The following ATAD1 variants were observed in gnomAD, a reference collection of about 807,000 sequenced individuals.
The protein encoded by ATAD1 is ATPase family AAA domain containing 1, also known as outer mitochondrial transmembrane helix translocase.
Under a neutral mutation model 42.7 loss-of-function variants are expected in ATAD1, and 18 were observed. The ratio of observed to expected loss-of-function variants is 0.42; its 90% confidence interval spans 0.29 to 0.63. The LOEUF (loss-of-function observed/expected upper bound fraction) is 0.63. Ranked by LOEUF, ATAD1 falls within the 20% of genes least tolerant of loss-of-function variation. The pLI, the probability that ATAD1 is intolerant of heterozygous loss-of-function variation, is 0.19. For missense variants in ATAD1, 294 were observed against 440.4 expected (o/e 0.67, Z 2.98); for synonymous variants, 132 against 143.1 (o/e 0.92, Z 0.55).
intron 6 of ATAD1, among the ~76,000 whole-genome samples, chr10:87,772,276 C>A (rs560208035): frequency 6.6e-6 from 1 of 151,842 alleles, no homozygotes; most frequent in East Asian, 1.9e-4. Context: ...CTGTGCCTAG[C>A]TGATTTTTCC....
At chr10:87,791,009 AC>A (rs1856073504) in intron 3 of ATAD1, among the ~76,000 whole-genome samples, 1 of 109,782 alleles carries the variant, frequency 9.1e-6, no homozygotes, top group African/African-American at 3.8e-5. Flanking sequence ...CATGGTTGAA[AC>A]CCCGTCTCTA....
At chr10:87,839,581 G>A (rs1857992172) in intron 1 of ATAD1, among the ~76,000 whole-genome samples, 1 of 152,158 alleles carries the variant, frequency 6.6e-6, no homozygotes, top group South Asian at 2.1e-4. Context: ...GAGTGGAACT[G>A]GACTAGAACT....
chr10:87,792,579 C>G, intron 3 of ATAD1, 78 bp downstream of exon 3: 1 of 1,103,106 alleles, frequency 9.1e-7, no homozygotes, highest in Non-Finnish European at 1.4e-6. Flanking sequence ...CGGCCGTGAT[C>G]TTTAAGACCC....
Position 87,754,802 on chromosome 10 carries a change from TC to T in ATAD1, c.970del (p.Asp324ThrfsTer20). 1 of 1,612,496 alleles carries T rather than the reference TC, an allele frequency of 6.2e-7. No individual in the cohort carries two copies. Among genetic ancestry groups the T allele is most frequent in the Non-Finnish European group, 8.5e-7 (1 of 1,178,940 alleles). ...TTGAACAGGCCGAATTTCATCTTCG[TC>T]ATGGCTAAAATGCAAACAAAACCAT... ...YVNSTSEESH[D>X]EDEIRPVQQQ... On this transcript the variant is annotated frameshift_variant, in exon 10 of 10. Transcript: ENST00000680024. LOFTEE classifies it high-confidence loss of function.
At chr10:87,836,892 A>G (rs1461732877) in intron 1 of ATAD1, among the ~76,000 whole-genome samples, 1 of 152,156 alleles carries the variant, frequency 6.6e-6, no homozygotes, top group Non-Finnish European at 1.5e-5. Context: ...CATTGTTCAC[A>G]TTGGATAATT....
intron 9 of ATAD1, among the ~76,000 whole-genome samples, chr10:87,755,289 C>T (rs11202538): frequency 0.29 from 44,237 of 151,928 alleles, 6,695 homozygotes; most frequent in Middle Eastern, 0.31. Context: ...TCTTCACTAT[C>T]AGTAAAAATC....
chr10:87,779,167 G>A (rs1044253077), intron 5 of ATAD1, among the ~76,000 whole-genome samples: 4 of 152,104 alleles, frequency 2.6e-5, no homozygotes, highest in Non-Finnish European at 4.4e-5. Flanking sequence ...GCATGGTGGC[G>A]AATGCCTATA....
At chr10:87,811,233 T>G (rs1436260466) in intron 2 of ATAD1, among the ~76,000 whole-genome samples, 1 of 152,004 alleles carries the variant, frequency 6.6e-6, no homozygotes, top group Non-Finnish European at 1.5e-5. Context: ...CTCCGGAGGC[T>G]GAGGCAGGAG....
At chr10:87,837,357 T>G (rs1857948278) in intron 1 of ATAD1, among the ~76,000 whole-genome samples, 1 of 152,224 alleles carries the variant, frequency 6.6e-6, no homozygotes, top group East Asian at 1.9e-4. Flanking sequence ...CAGTTGTAGT[T>G]TCAATGTCAA....
upstream of ATAD1, among the ~76,000 whole-genome samples, chr10:87,821,951 T>G (rs566241404): frequency 1.3e-5 from 2 of 152,228 alleles, no homozygotes; most frequent in African/African-American, 4.8e-5. Context: ...CTCTACTACC[T>G]TAGCCTAAAA....
chr10:87,757,290 A>AAC (rs1564737297), intron 8 of ATAD1, among the ~76,000 whole-genome samples: 4 of 151,246 alleles, frequency 2.6e-5, no homozygotes, highest in Non-Finnish European at 2.9e-5. Context: ...AAAAAAAACA[A>AAC]AACACTCAAC....
intron 8 of ATAD1, among the ~76,000 whole-genome samples, 177 bp from the exon 9 acceptor site, chr10:87,757,099 T>C (rs976019783): frequency 1.3e-5 from 2 of 152,166 alleles, no homozygotes; most frequent in Non-Finnish European, 2.9e-5. Flanking sequence ...ATAATTTTCA[T>C]TATTTGTCCT....
chr10:87,772,213 CTTTCTTTT>C (rs879625723), intron 6 of ATAD1, among the ~76,000 whole-genome samples: 4 of 151,636 alleles, frequency 2.6e-5, no homozygotes, highest in South Asian at 2.1e-4. Context: ...TTCTTTCTTT[CTTTCTTTT>C]TTTTTTTGAA....
At chr10:87,786,967 A>T (rs1444139295) in intron 4 of ATAD1, among the ~76,000 whole-genome samples, 3 of 152,204 alleles carry the variant, frequency 2.0e-5, no homozygotes, top group Non-Finnish European at 4.4e-5. Flanking sequence ...AAAAAAAAAA[A>T]AGTTACACTA....
intron 1 of ATAD1, among the ~76,000 whole-genome samples, chr10:87,833,324 C>T (rs929113063): frequency 6.6e-6 from 1 of 151,988 alleles, no homozygotes; most frequent in African/African-American, 2.4e-5. Context: ...GTGTGTTTAC[C>T]TTTTGTCCTC....
intron 2 of ATAD1, among the ~76,000 whole-genome samples, chr10:87,810,103 T>C: frequency 6.6e-6 from 1 of 152,280 alleles, no homozygotes; most frequent in South Asian, 2.1e-4. Context: ...ATATTCACTT[T>C]CTATTTCATT....
chr10:87,808,510 A>T (rs1287959591), intron 2 of ATAD1, among the ~76,000 whole-genome samples: 3 of 152,218 alleles, frequency 2.0e-5, no homozygotes, highest in Non-Finnish European at 4.4e-5. Flanking sequence ...AAATCATGCC[A>T]CTGCACTCCA....
At chr10:87,766,010 G>A (rs915527235) in intron 8 of ATAD1, among the ~76,000 whole-genome samples, 44 of 151,722 alleles carry the variant, frequency 2.9e-4, no homozygotes, top group Admixed American at 2.8e-3. Context: ...TGCACTTCAG[G>A]CTAGGCAACA....
intron 4 of ATAD1, among the ~76,000 whole-genome samples, chr10:87,787,833 A>G (rs1048693086): frequency 1.3e-5 from 2 of 152,204 alleles, no homozygotes; most frequent in Non-Finnish European, 2.9e-5. Flanking sequence ...GGTCTTTATA[A>G]CAGAAAATCT....
Sources: allele counts gnomAD v4.1 joint callset (sites outside exome capture counted in the v4.1 genomes callset), GRCh38; gene constraint gnomAD v4.1.1; transcripts MANE v1.5; gene names NCBI Gene and HGNC (gene_info 2026-07-23, HGNC 2026-07-21).